ZNF112: variants seen among roughly 807,000 people sequenced by gnomAD.
ZNF112 encodes the protein zinc finger protein 112.
In ZNF112, 37 loss-of-function variants were observed where a neutral mutation model predicts 77.7. That is an observed-to-expected ratio of 0.48 (90% confidence interval 0.37 to 0.63). ZNF112 has a LOEUF of 0.63. ZNF112 is among the 20% of genes least tolerant of loss of function. The probability of loss-of-function intolerance (pLI) is 0.00; values close to 1 mark genes in which losing one functional copy is unlikely to be tolerated. For synonymous variants in ZNF112, 333 were observed against 363.6 expected (o/e 0.92, Z 0.96); for missense variants, 950 against 1,077.4 (o/e 0.88, Z 1.66).
At chr19:44,364,983 C>T (rs1338600098) in intron 1 of ZNF112, among the ~76,000 whole-genome samples, 1 of 152,002 alleles carries the variant, frequency 6.6e-6, no homozygotes, top group East Asian at 1.9e-4. Context: ...TAATGCTGGC[C>T]TCATGAGACA....
intron 1 of ZNF112, among the ~76,000 whole-genome samples, chr19:44,355,936 C>T (rs1202845258): frequency 1.3e-5 from 2 of 152,138 alleles, no homozygotes; most frequent in Non-Finnish European, 2.9e-5. Flanking sequence ...AGGGTCATTC[C>T]CTCCTTCTCC....
At chr19:44,337,321 TATAAA>T (rs2123163847) in intron 2 of ZNF112, among the ~76,000 whole-genome samples, 5 of 110,404 alleles carry the variant, frequency 4.5e-5, no homozygotes, top group Admixed American at 2.6e-4. Context: ...TTTGTATATG[TATAAA>T]ATATATATAC....
At chr19:44,341,794 T>C (rs1228835336) in intron 1 of ZNF112, among the ~76,000 whole-genome samples, 1 of 152,210 alleles carries the variant, frequency 6.6e-6, no homozygotes, top group Admixed American at 6.5e-5. Flanking sequence ...TGCTGTAGGG[T>C]AATTTTAAAT....
chr19:44,341,723 G>T (rs1335873820), intron 1 of ZNF112, among the ~76,000 whole-genome samples: 2 of 152,256 alleles, frequency 1.3e-5, no homozygotes, highest in East Asian at 1.9e-4. Flanking sequence ...GGACACCGAG[G>T]TCTTTTCTTC....
intron 3 of ZNF112, among the ~76,000 whole-genome samples, chr19:44,332,917 C>T (rs192309029): frequency 8.3e-4 from 127 of 152,346 alleles, no homozygotes; most frequent in African/African-American, 3.0e-3. Flanking sequence ...TAGACCGAAA[C>T]ACCTTGTTAC....
chr19:44,344,096 A>G (rs953926025), intron 1 of ZNF112, among the ~76,000 whole-genome samples: 7 of 152,198 alleles, frequency 4.6e-5, no homozygotes, highest in African/African-American at 1.7e-4. Flanking sequence ...GGGTACAACA[A>G]AAGACTAATG....
chr19:44,331,926 A>G (rs915253733), intron 3 of ZNF112, among the ~76,000 whole-genome samples: 2 of 152,236 alleles, frequency 1.3e-5, no homozygotes, highest in Non-Finnish European at 2.9e-5. Flanking sequence ...ACAAGAATCT[A>G]CTGTGGATGA....
rs191206419 is a variant in ZNF112 at position 44,364,872 on chromosome 19, G to A, written c.17+2209C>T. Among the ~76,000 whole-genome samples the A allele has an allele frequency of 4.8e-3, 732 of 152,196 alleles. 5 individuals carry two copies. The highest frequency in any genetic ancestry group is 0.017 in the African/African-American group (704 of 41,520). On this transcript the variant is annotated intron_variant, in intron 1 of 4. Transcript: ENST00000588057. ...TGAACCAATTCCCCACGGACACCAA[G>A]GGACTACTGTATTCAGGATTTTTTC...
At chr19:44,331,723 T>C (rs1970273607) in intron 3 of ZNF112, among the ~76,000 whole-genome samples, 1 of 152,218 alleles carries the variant, frequency 6.6e-6, no homozygotes, top group Non-Finnish European at 1.5e-5. Flanking sequence ...TGAACAGTAG[T>C]TGCTCAATAA....
intron 3 of ZNF112, among the ~76,000 whole-genome samples, chr19:44,332,232 A>G (rs998347923): frequency 2.6e-5 from 4 of 152,172 alleles, no homozygotes; most frequent in African/African-American, 9.7e-5. Context: ...CTTGAACAAA[A>G]TCTTACCCGT....
rs575653847 is a variant in ZNF112, at chr19:44,339,349, T to C, written c.124+1067A>G. 3.1e-3 allele frequency among the ~76,000 whole-genome samples: 468 copies of C among 152,282 alleles called. 4 individuals are homozygous for C. Among genetic ancestry groups the C allele is most frequent in the Non-Finnish European group, 5.1e-3 (349 of 68,012 alleles). Reference sequence around the variant, plus strand: ...GGCCACACACCAGATAGTTAAACAATGTGATTTATAGTAGGGGCTTTGAGC... The same window carrying C: ...GGCCACACACCAGATAGTTAAACAACGTGATTTATAGTAGGGGCTTTGAGC... On this transcript the variant is annotated intron_variant, in intron 2 of 3. Transcript: ENST00000354340.
intron 1 of ZNF112, among the ~76,000 whole-genome samples, chr19:44,349,199 C>A (rs1234658485): frequency 6.6e-6 from 1 of 152,048 alleles, no homozygotes; most frequent in African/African-American, 2.4e-5. Context: ...ACTCTCATTT[C>A]TTCATATTGT....
At chr19:44,356,826 TCTGC>T (rs1568679034), upstream of ZNF112, 1 of 152,278 alleles carries the variant, frequency 6.6e-6, no homozygotes, top group East Asian at 1.9e-4. Context: ...TCTCCACTTA[TCTGC>T]CTGCCTAGGA....
At position 44,327,758 on chromosome 19, in the gene ZNF112, T is replaced by A. The variant is rs1283345394; in HGVS notation, c.2399A>T (p.Lys800Ile). ...GAAACCCTTACCACACTGTTCACAT[T>A]TATAGGGTCTCCCTTCCACATGAAC... ...QRVHVEGRPY[K>I]CEQCGKGFSG... Residue 800 changes from lysine (K) to isoleucine (I), a missense_variant, in exon 4 of 4, where the codon AAA (lysine) becomes ATA (isoleucine). By Grantham distance (102) the Lys-to-Ile change is moderately radical (BLOSUM62 -3). This residue lies in a region of ZNF112 where 373 missense variants were observed against 482.8 expected (regional missense o/e 0.77). Coordinates refer to ENST00000354340, the MANE Select transcript of ZNF112 (RefSeq NM_013380.4). 6.2e-7 allele frequency: 1 copy of A among 1,613,980 alleles called. No homozygotes were observed. Among genetic ancestry groups the A allele is most frequent in the East Asian group, 2.2e-5 (1 of 44,852 alleles).
At chr19:44,334,150 T>C (rs1299216846) in intron 3 of ZNF112, among the ~76,000 whole-genome samples, 1 of 152,208 alleles carries the variant, frequency 6.6e-6, no homozygotes, top group East Asian at 1.9e-4. Context: ...TTTCCCAACA[T>C]TGGTGCTATG....
intron 1 of ZNF112, among the ~76,000 whole-genome samples, chr19:44,365,935 A>G (rs1325533737): frequency 1.1e-4 from 16 of 152,198 alleles, no homozygotes; most frequent in Non-Finnish European, 2.2e-4. Flanking sequence ...AACAGGAGAA[A>G]AGCATGCAAA....
chr19:44,344,932 T>C (rs1430093067), intron 1 of ZNF112, among the ~76,000 whole-genome samples: 1 of 152,152 alleles, frequency 6.6e-6, no homozygotes, highest in Non-Finnish European at 1.5e-5. Flanking sequence ...CCCAAGAAGT[T>C]GGGACAATTT....
chr19:44,342,275 A>AT (rs1260988358), intron 1 of ZNF112, among the ~76,000 whole-genome samples: 1 of 152,184 alleles, frequency 6.6e-6, no homozygotes, highest in Non-Finnish European at 1.5e-5. Context: ...GTACAAAAAC[A>AT]TCTATTTTTC....
chr19:44,349,820 C>T (rs536573703), intron 1 of ZNF112, among the ~76,000 whole-genome samples: 1 of 152,040 alleles, frequency 6.6e-6, no homozygotes, highest in Non-Finnish European at 1.5e-5. Context: ...TTGGGCAAGA[C>T]CAACTGCTCT....
Sources: allele counts gnomAD v4.1 joint callset (sites outside exome capture counted in the v4.1 genomes callset), GRCh38; gene constraint gnomAD v4.1.1; regional missense constraint gnomAD v4.1.1; transcripts MANE v1.5; gene names NCBI Gene and HGNC (gene_info 2026-07-23, HGNC 2026-07-21).